Variants in CTIF observed in about 807,000 individuals in gnomAD.
CTIF encodes the protein CBP80/20-dependent translation initiation factor.
A neutral mutation model predicts 66.0 loss-of-function variants in CTIF; 21 were observed. The ratio of observed to expected loss-of-function variants is 0.32; its 90% CI spans 0.23 to 0.46. The LOEUF (loss-of-function observed/expected upper bound fraction) is 0.46. Ranked by LOEUF, CTIF falls within the 20% of genes least tolerant of loss-of-function variation. The probability of loss-of-function intolerance (pLI) is 1.00; values close to 1 mark genes in which losing one functional copy is unlikely to be tolerated. For missense variants in CTIF, 739 were observed against 812.7 expected, an observed-to-expected ratio of 0.91 and a Z score of 1.10; for synonymous variants, 345 against 326.4, an observed-to-expected ratio of 1.06 and a Z score of -0.62.
chr18:48,811,862 C>T (rs1237383511), intron 9 of CTIF, among the ~76,000 whole-genome samples: 1 of 152,222 alleles, frequency 6.6e-6, no homozygotes, highest in Middle Eastern at 3.2e-3. Flanking sequence ...TACATACTGA[C>T]ATCTCTTTGA....
chr18:48,599,153 T>C (rs546774340), intron 1 of CTIF, among the ~76,000 whole-genome samples: 10 of 152,292 alleles, frequency 6.6e-5, no homozygotes, highest in African/African-American at 2.2e-4. Flanking sequence ...GCAGTGTTGC[T>C]GGAGGAGTCT....
intron 4 of CTIF, among the ~76,000 whole-genome samples, 159 bp from the exon 5 acceptor site, chr18:48,664,288 T>G (rs1287789788): frequency 1.3e-5 from 2 of 151,944 alleles, no homozygotes; most frequent in African/African-American, 2.4e-5. Flanking sequence ...AGGTGAGGGG[T>G]GGCACCTGGG....
chr18:48,688,535 A>G (rs970728566), intron 6 of CTIF: 9 of 152,234 alleles, frequency 5.9e-5, no homozygotes, highest in South Asian at 2.1e-4. Flanking sequence ...TCCTCTGTGC[A>G]TGTATCTTGA....
At chr18:48,655,041 G>A (rs2091222315) in intron 3 of CTIF, among the ~76,000 whole-genome samples, 1 of 152,064 alleles carries the variant, frequency 6.6e-6, no homozygotes, top group Non-Finnish European at 1.5e-5. Context: ...GTTAATGGGT[G>A]CAGCAAACCA....
chr18:48,700,804 G>T (rs888557985), intron 6 of CTIF, among the ~76,000 whole-genome samples: 4 of 152,172 alleles, frequency 2.6e-5, no homozygotes, highest in Admixed American at 1.3e-4. Flanking sequence ...CTTCCCCAGG[G>T]CCCATGCCCC....
At chr18:48,647,037 C>T (rs961873552) in intron 3 of CTIF, among the ~76,000 whole-genome samples, 1 of 152,008 alleles carries the variant, frequency 6.6e-6, no homozygotes, top group Non-Finnish European at 1.5e-5. Flanking sequence ...CTGTTTGTAG[C>T]AGCTTTGTTC....
intron 9 of CTIF, among the ~76,000 whole-genome samples, chr18:48,799,158 G>T (rs1309289445): frequency 6.6e-6 from 1 of 152,300 alleles, no homozygotes; most frequent in East Asian, 1.9e-4. Flanking sequence ...AGATTTTAAG[G>T]GGATGATAAG....
intron 7 of CTIF, among the ~76,000 whole-genome samples, chr18:48,736,810 C>T (rs372788262): frequency 6.6e-5 from 10 of 152,276 alleles, no homozygotes; most frequent in African/African-American, 1.2e-4. Context: ...TAAGGAGCCT[C>T]CTGTCAGGGC....
intron 7 of CTIF, among the ~76,000 whole-genome samples, chr18:48,754,387 G>C (rs566222975): frequency 1.3e-4 from 20 of 152,312 alleles, no homozygotes; most frequent in Admixed American, 1.2e-3. Flanking sequence ...TGTCTTATCT[G>C]TCGAATGGAA....
chr18:48,771,006 C>T (rs949524089), intron 9 of CTIF, among the ~76,000 whole-genome samples: 1 of 152,032 alleles, frequency 6.6e-6, no homozygotes, highest in Non-Finnish European at 1.5e-5. Flanking sequence ...CCCCCCCCTA[C>T]GCTGATTAAA....
At chr18:48,642,317 T>C (rs1317887344) in intron 3 of CTIF, among the ~76,000 whole-genome samples, 1 of 152,100 alleles carries the variant, frequency 6.6e-6, no homozygotes, top group Non-Finnish European at 1.5e-5. Context: ...AGTGGTTCAG[T>C]TGGTCTCTGT....
chr18:48,542,954 C>G (rs1295371393), intron 1 of CTIF, among the ~76,000 whole-genome samples: 1 of 152,240 alleles, frequency 6.6e-6, no homozygotes, highest in African/African-American at 2.4e-5. Flanking sequence ...CCCGCCCCAG[C>G]TCAGATGTGC....
chr18:48,682,715 A>G (rs369481125), intron 6 of CTIF, among the ~76,000 whole-genome samples: 1 of 152,304 alleles, frequency 6.6e-6, no homozygotes, highest in Non-Finnish European at 1.5e-5. Context: ...GGATTTGCAA[A>G]TGGTTTGGTG....
At chr18:48,646,545 G>A (rs1181674262) in intron 3 of CTIF, among the ~76,000 whole-genome samples, 5 of 151,688 alleles carry the variant, frequency 3.3e-5, no homozygotes, top group Non-Finnish European at 7.4e-5. Context: ...CCAGGAGTTC[G>A]AGACCAGCCT....
intron 1 of CTIF, among the ~76,000 whole-genome samples, chr18:48,555,993 A>G (rs1037315730): frequency 6.6e-6 from 1 of 152,226 alleles, no homozygotes; most frequent in Non-Finnish European, 1.5e-5. Context: ...AGGAGGAGGC[A>G]GGCAGGACTT....
At chr18:48,611,374 C>A in intron 1 of CTIF, among the ~76,000 whole-genome samples, 1 of 152,372 alleles carries the variant, frequency 6.6e-6, no homozygotes, top group East Asian at 1.9e-4. Flanking sequence ...GGAGGTCATG[C>A]CTGGTTCTGA....
At chr18:48,730,696 A>AGGTGTGAGGGGCTTCCGC (rs1330400346) in intron 7 of CTIF, among the ~76,000 whole-genome samples, 10 of 34,312 alleles carry the variant, frequency 2.9e-4, no homozygotes, top group Non-Finnish European at 4.6e-4. Flanking sequence ...GGAGCCCCTG[A>AGGTGTGAGGGGCTTCCGC]GGTGTGAGGG....
intron 3 of CTIF, among the ~76,000 whole-genome samples, chr18:48,648,788 A>G (rs1245241108): frequency 6.6e-6 from 1 of 152,158 alleles, no homozygotes; most frequent in Non-Finnish European, 1.5e-5. Flanking sequence ...AATGTAGTCC[A>G]TGTAGTCGTG....
chr18:48,631,763 C>T (rs1470545668), intron 2 of CTIF, among the ~76,000 whole-genome samples: 1 of 152,152 alleles, frequency 6.6e-6, no homozygotes, highest in Admixed American at 6.5e-5. Flanking sequence ...TAACAAACTT[C>T]CCACGTTTCC....
Sources: allele counts gnomAD v4.1 joint callset (sites outside exome capture counted in the v4.1 genomes callset), GRCh38; gene constraint gnomAD v4.1.1; transcripts MANE v1.5; gene names NCBI Gene and HGNC (gene_info 2026-07-23, HGNC 2026-07-21).